SRRM2: variants seen among roughly 807,000 people sequenced by gnomAD.
SRRM2 encodes serine/arginine repetitive matrix 2, also known as serine/arginine repetitive matrix protein 2.
In SRRM2, 30 loss-of-function variants were observed where a neutral mutation model predicts 213.8. The ratio of observed to expected loss-of-function variants is 0.14; its 90% CI spans 0.10 to 0.19. The LOEUF (loss-of-function observed/expected upper bound fraction) is 0.19. Among genes scored for constraint, SRRM2 ranks in the 10% least tolerant of loss-of-function variants. The pLI is 1.00. For missense variants in SRRM2, 4,904 were observed against 3,647.0 expected (o/e 1.34, Z -8.88); for synonymous variants, 2,025 against 1,377.7 (o/e 1.47, Z -10.40).
In SRRM2 at chr16:2,766,710, C is replaced by G. The variant is rs2068558209; in HGVS notation, c.6182C>G (p.Thr2061Arg). Residue 2061 changes from threonine (T) to arginine (R), a missense_variant, in exon 11 of 15, where the codon ACA (threonine) becomes AGA (arginine). Thr to Arg is a moderately conservative substitution (Grantham distance 71). Transcript: ENST00000301740. This position sits in a 1 kb window ranked among gnomAD's most constrained non-coding sequence, Gnocchi z 7.0. Reference sequence around the variant, plus strand: ...CGCTCCAGATCCCGTACTCCACGAACAGCTCGGGGTAAACGGTCCTTAACA... The same window carrying G: ...CGCTCCAGATCCCGTACTCCACGAAGAGCTCGGGGTAAACGGTCCTTAACA... Reference protein sequence around the residue: ...RRRSRSRTPRTARGKRSLTRS... With the variant: ...RRRSRSRTPRRARGKRSLTRS... 1 of 1,614,236 alleles carries G rather than the reference C, an allele frequency of 6.2e-7. No individual in the cohort carries two copies. Among genetic ancestry groups the G allele is most frequent in the African/African-American group, 1.3e-5 (1 of 75,046 alleles).
Position 2,770,722 on chromosome 16 carries a change from G to T in SRRM2, c.8249+5G>T. ...CATGAGACACCGCTCCTCCAGGTGC[G>T]TGTCCTGGAAGGCTGATGCCCCCTT... On this transcript the variant is annotated splice_donor_5th_base_variant and intron_variant, in intron 14 of 14. Transcript: ENST00000301740. 1.9e-6 allele frequency: 3 copies of T among 1,570,956 alleles called. No individual in the cohort carries two copies. The highest frequency in any genetic ancestry group is 2.6e-6 in the Non-Finnish European group (3 of 1,155,926).
rs139385794 is a variant in SRRM2 at position 2,763,357 on chromosome 16, G to C, written c.2829G>C (p.Ser943=). ...SSSPSPSRVT[S]RTTPRRSRSV... ...CTCCAAGTCCTAGTAGGGTGACGTC[G>C]AGAACAACTCCACGGCGAAGCAGAT... is the stretch of plus-strand genomic sequence containing the variant. Residue 943 remains serine (S), a synonymous_variant, in exon 11 of 15, where the codon TCG becomes TCC. Coordinates refer to ENST00000301740, the MANE Select transcript of SRRM2 (RefSeq NM_016333.4). The C allele has an allele frequency of 1.2e-6, 2 of 1,614,034 alleles. No homozygotes were observed. The highest frequency in any genetic ancestry group is 1.7e-6 in the Non-Finnish European group (2 of 1,180,052).
chr16:2,766,351 A>G lies in SRRM2; in HGVS notation c.5823A>G (p.Thr1941=). ...GTCGTTCAAGGTCTAGAACGCCAAC[A>G]ACACGCCGCCGCTCCCGTTCTAGAA... The part of the protein sequence containing the change: ...TRRRSRSRTP[T]TRRRSRSRTP... The change falls in exon 11 of 15, where the codon ACA becomes ACG. Residue 1941 remains threonine, a synonymous_variant. Transcript: ENST00000301740. This position sits in a 1 kb window ranked among gnomAD's most constrained non-coding sequence, Gnocchi z 7.0. 1 of 1,614,052 alleles carries G rather than the reference A, an allele frequency of 6.2e-7. No homozygotes were observed. Among genetic ancestry groups the G allele is most frequent in the Non-Finnish European group, 8.5e-7 (1 of 1,179,990 alleles).
At position 2,756,429 on chromosome 16, in the gene SRRM2, A is replaced by G; in HGVS notation, c.65A>G (p.Asn22Ser). 1 of 1,612,220 alleles carries G rather than the reference A, an allele frequency of 6.2e-7. No homozygotes were observed. The highest frequency in any genetic ancestry group is 8.5e-7 in the Non-Finnish European group (1 of 1,179,332). The change falls in exon 2 of 15, where the codon AAC becomes AGC. Residue 22 changes from asparagine (N) to serine (S), a missense_variant. By Grantham distance (46) the Asn-to-Ser change is conservative. Transcript: ENST00000301740. ...GSGTNGYVQRNLSLVRGRRGE... is the reference protein window; with the variant it reads ...GSGTNGYVQRSLSLVRGRRGE... ...GGCACCAACGGCTACGTCCAGCGCA[A>G]CCTGTCCCTGGTGCGGGGCCGCCGG...
rs140014992 is a variant in SRRM2, at chr16:2,770,421, G to C, written c.8091G>C (p.Glu2697Asp). ...DSRSLSYSPV[E>D]RRRPSPQPSP... ...GGTCCCTCAGCTACTCGCCTGTGGA[G>C]CGTCGCCGTCCCTCGCCCCAGCCCT... is the stretch of plus-strand genomic sequence containing the variant. The change falls in exon 13 of 15, where the codon GAG becomes GAC. Residue 2697 changes from glutamate to aspartate, a missense_variant. By Grantham distance (45) the Glu-to-Asp change is conservative (BLOSUM62 2). Transcript: ENST00000301740. 1.9e-6 allele frequency: 3 copies of C among 1,611,122 alleles called. No homozygotes were observed. The African/African-American group carries it at 4.0e-5, about 22-fold the overall frequency.
Position 2,767,179 on chromosome 16 carries a change from C to G in SRRM2, c.6651C>G (p.Leu2217=), listed in dbSNP as rs765049821. The G allele has an allele frequency of 1.2e-6, 2 of 1,614,108 alleles. No individual in the cohort carries two copies. The highest frequency in any genetic ancestry group is 1.7e-6 in the Non-Finnish European group (2 of 1,180,054). Residue 2217 remains leucine, a synonymous_variant, in exon 11 of 15, where the codon CTC becomes CTG. Coordinates refer to ENST00000301740, the MANE Select transcript of SRRM2 (RefSeq NM_016333.4). ...CCCAGGTTCCAGCCCCGGTGCCTCT[C>G]ATGAGTCTCAGAACCGCACCAGCAG... ...RMSQVPAPVP[L]MSLRTAPAAN...
chr16:2,759,913 G>T, intron 9 of SRRM2: 5 of 546,858 alleles, frequency 9.1e-6, no homozygotes, highest in East Asian at 3.0e-5. Context: ...CAGAATAGGG[G>T]GGGTGGTGGT....
At chr16:2,768,422 G>A (rs1420459984) in intron 11 of SRRM2, 161 bp downstream of exon 11, 6 of 762,636 alleles carry the variant, frequency 7.9e-6, no homozygotes, top group Non-Finnish European at 1.3e-5. Flanking sequence ...GGGGCAGGGG[G>A]CGGAGGGAGG....
chr16:2,770,444 C>T lies in SRRM2; in HGVS notation c.8114C>T (p.Pro2705Leu), dbSNP rs769414510. The change falls in exon 13 of 15, where the codon CCC becomes CTC. Residue 2705 changes from proline to leucine, a missense_variant. Physicochemically the swap from Pro to Leu is moderately conservative, Grantham distance 98. Transcript: ENST00000301740. ...PVERRRPSPQ[P>L]SPRDQQSSSS... ...GAGCGTCGCCGTCCCTCGCCCCAGC[C>T]CTCACCACGGGACCAGCAGAGGTAA... is the stretch of plus-strand genomic sequence containing the variant. 3.1e-6 allele frequency: 5 copies of T among 1,609,472 alleles called. No homozygotes were observed. Among genetic ancestry groups the T allele is most frequent in the African/African-American group, 1.3e-5 (1 of 74,868 alleles).
At chr16:2,770,803 C>G in intron 14 of SRRM2, 55 bp from the exon 15 acceptor site, 4 of 1,613,086 alleles carry the variant, frequency 2.5e-6, no homozygotes, top group African/African-American at 1.3e-5. Context: ...GGCCCAGAAA[C>G]TGGCCTTGAG....
At position 2,765,821 on chromosome 16, in the gene SRRM2, C is replaced by T. The variant is rs201624334; in HGVS notation, c.5293C>T (p.Pro1765Ser). ...CTCAAGGAGAGGCCGCTCTCCTTCG[C>T]CAAAGCCTCGTGGACTCCAGAGGTC... Reference protein sequence around the residue: ...TTSRRGRSPSPKPRGLQRSRS... With the variant: ...TTSRRGRSPSSKPRGLQRSRS... Residue 1765 changes from proline (P) to serine (S), a missense_variant, in exon 11 of 15, where the codon CCA becomes TCA. Pro to Ser is a moderately conservative substitution (Grantham distance 74). Transcript: ENST00000301740. 2.2e-5 allele frequency: 35 copies of T among 1,614,138 alleles called. No homozygotes were observed. In the African/African-American group the frequency reaches 4.4e-4, roughly 20 times the overall value.
chr16:2,765,120 C>T lies in SRRM2; in HGVS notation c.4592C>T (p.Thr1531Ile), dbSNP rs983669112. The T allele has an allele frequency of 3.1e-6, 5 of 1,614,174 alleles. No homozygotes were observed. The highest frequency in any genetic ancestry group is 4.2e-6 in the Non-Finnish European group (5 of 1,180,034). Residue 1531 changes from threonine to isoleucine, a missense_variant, in exon 11 of 15, where the codon ACT becomes ATT. Thr to Ile is a moderately conservative substitution (Grantham distance 89). Transcript: ENST00000301740. ...GTTGATCAGAAAACTGTGGCTCGGA[C>T]TCCCCTGGGGCAGAGAAGTCGTTCG... is the stretch of plus-strand genomic sequence containing the variant. ...SSVDQKTVARTPLGQRSRSGS... is the reference protein window; with the variant it reads ...SSVDQKTVARIPLGQRSRSGS...
intron 12 of SRRM2, 124 bp from the exon 13 acceptor site, chr16:2,770,228 G>T: frequency 6.9e-7 from 1 of 1,454,524 alleles, no homozygotes. Context: ...GCGGACAAAG[G>T]TGGGTCTGAG....
intron 1 of SRRM2, among the ~76,000 whole-genome samples, chr16:2,754,191 G>A (rs2068056148): frequency 6.6e-6 from 1 of 152,034 alleles, no homozygotes; most frequent in African/African-American, 2.4e-5. Flanking sequence ...TAGATGCCGT[G>A]GGGTCGTCGT....
Position 2,758,441 on chromosome 16 carries a change from C to T in SRRM2, c.516-29C>T, listed in dbSNP as rs376238659. On this transcript the variant is annotated intron_variant, in intron 4 of 14. Coordinates refer to ENST00000301740, the MANE Select transcript of SRRM2 (RefSeq NM_016333.4). ...AGAAAGGAATGTTTGTTCTACCACCCATCTCTGCTGCTTTTCATTTTTCCC... is the reference window on the plus strand; with the variant it reads ...AGAAAGGAATGTTTGTTCTACCACCTATCTCTGCTGCTTTTCATTTTTCCC... 20 of 1,560,298 alleles carry T rather than the reference C, an allele frequency of 1.3e-5. 1 individual carries two copies. The highest frequency in any genetic ancestry group is 1.7e-4 in the Middle Eastern group (1 of 5,964).
At position 2,770,663 on chromosome 16, in the gene SRRM2, A is replaced by G. The variant is rs2068712307; in HGVS notation, c.8195A>G (p.His2732Arg). 2.6e-6 allele frequency: 4 copies of G among 1,554,606 alleles called. No homozygotes were observed. The East Asian group carries it at 9.7e-5, about 38-fold the overall frequency. Reference protein sequence around the residue: ...GQRGDSRSPSHKRRRETPSPR... With the variant: ...GQRGDSRSPSRKRRRETPSPR... ...CGTGGGGACAGCCGCTCCCCCAGCC[A>G]CAAGCGCAGGAGGGAGACACCTAGC... Residue 2732 changes from histidine to arginine, a missense_variant, in exon 14 of 15, where the codon CAC (histidine) becomes CGC (arginine). By Grantham distance (29) the His-to-Arg change is conservative. Transcript: ENST00000301740.
At position 2,771,097 on chromosome 16, in the gene SRRM2, G is replaced by GCA; in HGVS notation, c.*230_*231insCA. 8.9e-6 allele frequency: 3 copies of GCA among 336,622 alleles called. No homozygotes were observed. The highest frequency in any genetic ancestry group is 1.7e-5 in the Non-Finnish European group (3 of 174,688). 20.9% of individuals were successfully genotyped at this position (336,622 alleles called of 1,614,324 possible). On this transcript the variant is annotated 3_prime_UTR_variant, in exon 15 of 15. Coordinates refer to ENST00000301740, the MANE Select transcript of SRRM2 (RefSeq NM_016333.4). Reference sequence around the variant, plus strand: ...GTTCTGGGGGGTTTGGGGTGGGAGGGAATGCAGATGGGAGTTGGGGGAGGG... The same window carrying GCA: ...GTTCTGGGGGGTTTGGGGTGGGAGGGCAAATGCAGATGGGAGTTGGGGGAGGG...
rs551244555 is a variant in SRRM2, at chr16:2,767,930, C to G, written c.7402C>G (p.Pro2468Ala). ...QSRCLIAQTT[P>A]VAGSQSLSSG... ...CCGTTGTTTGATTGCCCAGACCACC[C>G]CTGTAGCAGGGTCTCAGTCCCTTTC... The change falls in exon 11 of 15, where the codon CCT (proline) becomes GCT (alanine). Residue 2468 changes from proline to alanine, a missense_variant. Physicochemically the swap from Pro to Ala is conservative, Grantham distance 27. Transcript: ENST00000301740. The G allele has an allele frequency of 2.5e-6, 4 of 1,614,222 alleles. No homozygotes were observed. Among genetic ancestry groups the G allele is most frequent in the Admixed American group, 3.3e-5 (2 of 60,026 alleles).
At chr16:2,759,196 G>C (rs751223077) in intron 7 of SRRM2, 24 bp downstream of exon 7, 2 of 1,613,354 alleles carry the variant, frequency 1.2e-6, no homozygotes, top group Non-Finnish European at 1.7e-6. Flanking sequence ...AACTCATAGG[G>C]GGCGCAGTGG....
Sources: allele counts gnomAD v4.1 joint callset (sites outside exome capture counted in the v4.1 genomes callset), GRCh38; gene constraint gnomAD v4.1.1; non-coding constraint Gnocchi (gnomAD v3.1); transcripts MANE v1.5; gene names NCBI Gene and HGNC (gene_info 2026-07-23, HGNC 2026-07-21).